The following MAP4 variants were observed in gnomAD, a reference collection of about 807,000 sequenced individuals.
MAP4 encodes the protein microtubule associated protein 4, also known as microtubule-associated protein 4.
Under a neutral mutation model 170.2 loss-of-function variants are expected in MAP4, and 76 were observed. That is an observed-to-expected ratio of 0.45 (90% CI 0.37 to 0.54). MAP4 has a LOEUF of 0.54. MAP4 is among the 20% of genes least tolerant of loss of function. The pLI is 0.00. For synonymous variants in MAP4, 909 were observed against 994.5 expected (o/e 0.91, Z 1.62); for missense variants, 2,506 against 2,748.0 (o/e 0.91, Z 1.97).
chr3:47,903,448 G>A (rs1009632773), intron 9 of MAP4, among the ~76,000 whole-genome samples: 5 of 151,790 alleles, frequency 3.3e-5, no homozygotes, highest in African/African-American at 1.2e-4. Flanking sequence ...CAGGAGAACG[G>A]CGTGAACCTG....
rs1340605502 is a variant in MAP4 at position 47,911,661 on chromosome 3, G to T, written c.2760C>A (p.Gly920=). The change falls in exon 9 of 21, where the codon GGC becomes GGA. Residue 920 remains glycine (G), a synonymous_variant. Coordinates refer to ENST00000683076, the MANE Select transcript of MAP4 (RefSeq NM_001385682.1). The surrounding 1 kb of genome is among the most constrained non-coding windows in gnomAD (Gnocchi z 4.0). ...KTPVDKSQSV[G]PLNLKGPLAE... ...CTAGGGGTCCTTTCAGATTGAGAGG[G>T]CCTACTGACTGGCTTTTATCTACAG... 2 of 1,535,912 alleles carry T rather than the reference G, an allele frequency of 1.3e-6. No individual in the cohort carries two copies. Among genetic ancestry groups the T allele is most frequent in the East Asian group, 2.4e-5 (1 of 40,936 alleles).
chr3:47,945,078 C>T (rs1444634468), intron 3 of MAP4, among the ~76,000 whole-genome samples: 1 of 151,126 alleles, frequency 6.6e-6, no homozygotes, highest in African/African-American at 2.4e-5. Flanking sequence ...GCTGGCCAGG[C>T]GCGGTGGCTC....
chr3:47,867,484 G>A (rs2082552384), intron 16 of MAP4, 146 bp from the exon 17 acceptor site: 3 of 662,244 alleles, frequency 4.5e-6, no homozygotes, highest in East Asian at 2.7e-5. Context: ...CAGAACAGAT[G>A]TGGAAAAGCA....
intron 3 of MAP4, among the ~76,000 whole-genome samples, chr3:47,938,725 A>T (rs1265855180): frequency 6.6e-6 from 1 of 152,198 alleles, no homozygotes; most frequent in African/African-American, 2.4e-5. Flanking sequence ...CAGGCTAACC[A>T]TGTAAATTTG....
intron 1 of MAP4, among the ~76,000 whole-genome samples, chr3:48,010,080 A>G (rs2100104453): frequency 6.6e-6 from 1 of 152,216 alleles, no homozygotes; most frequent in Non-Finnish European, 1.5e-5. Flanking sequence ...ATCTCTTCGT[A>G]TTACCATGCC....
At chr3:48,075,118 A>C (rs1256410026) in intron 1 of MAP4, among the ~76,000 whole-genome samples, 1 of 152,224 alleles carries the variant, frequency 6.6e-6, no homozygotes, top group Non-Finnish European at 1.5e-5. Context: ...ACAAAAGTAC[A>C]TTAATCAAGA....
rs531069009 is a variant in MAP4, at chr3:48,084,297, C to G, written c.-20+4476G>C. ...TACACAGTCTGAACTACTGGGGAGG[C>G]TGAGGCAGGAGGATCACTTGAGGCC... On this transcript the variant is annotated intron_variant, in intron 1 of 18. Transcript: ENST00000360240. Among the ~76,000 whole-genome samples the G allele has an allele frequency of 6.0e-5, 9 of 149,446 alleles. No individual in the cohort carries two copies. In the East Asian group the frequency reaches 1.8e-3, roughly 30 times the overall value.
intron 1 of MAP4, among the ~76,000 whole-genome samples, chr3:48,058,893 G>A (rs1042917459): frequency 2.6e-5 from 4 of 152,068 alleles, no homozygotes; most frequent in African/African-American, 4.8e-5. Context: ...GATTCTCCCT[G>A]CCTCAGCCTC....
Position 48,068,273 on chromosome 3 carries a change from A to AG in MAP4, c.-20+20499_-20+20500insC, listed in dbSNP as rs1186696446. Among the ~76,000 whole-genome samples, 7 of 151,906 alleles carry AG rather than the reference A, an allele frequency of 4.6e-5. No individual in the cohort carries two copies. The South Asian group carries it at 1.2e-3, about 27-fold the overall frequency. On this transcript the variant is annotated intron_variant, in intron 1 of 18. Coordinates refer to the MAP4 transcript ENST00000360240. ...GAGCAAGATTCTGTCTCAAAAAAAAAAAAAAAAAAAGGAATATTTAAGTAA... is the reference window on the plus strand; with the variant it reads ...GAGCAAGATTCTGTCTCAAAAAAAAAGAAAAAAAAAAGGAATATTTAAGTAA...
At chr3:47,961,150 T>C (rs7374516) in intron 3 of MAP4, 58,119 of 152,656 alleles carry the variant, frequency 0.38, 11,958 homozygotes, top group African/African-American at 0.54. Flanking sequence ...TCCAAGCCCC[T>C]GGCTCCCATC....
intron 3 of MAP4, among the ~76,000 whole-genome samples, chr3:47,950,675 A>G (rs906108046): frequency 6.6e-6 from 1 of 152,220 alleles, no homozygotes; most frequent in African/African-American, 2.4e-5. Context: ...TGGCGCTTGA[A>G]AGAATCAGTG....
intron 12 of MAP4, 42 bp from the exon 13 acceptor site, chr3:47,872,142 T>C (rs751910483): frequency 5.2e-6 from 8 of 1,536,364 alleles, no homozygotes; most frequent in South Asian, 1.1e-5. Flanking sequence ...AGGTCAGCAA[T>C]AGCCCCAAGG....
chr3:47,978,877 C>T (rs895638062), intron 2 of MAP4, among the ~76,000 whole-genome samples: 3 of 151,238 alleles, frequency 2.0e-5, no homozygotes, highest in African/African-American at 7.3e-5. Context: ...AATTTTTTGA[C>T]TATTTTAAAA....
chr3:48,020,797 G>T (rs1175651803), upstream of MAP4, among the ~76,000 whole-genome samples: 1 of 151,746 alleles, frequency 6.6e-6, no homozygotes, highest in African/African-American at 2.4e-5. Flanking sequence ...TTGTTGTTTT[G>T]TTTTTTTTAG....
chr3:47,866,250 T>C (rs757501159), intron 17 of MAP4, among the ~76,000 whole-genome samples: 4 of 151,466 alleles, frequency 2.6e-5, no homozygotes, highest in South Asian at 4.2e-4. Context: ...GGCAGGAGAA[T>C]TGACTGACCC....
chr3:47,973,479 G>A (rs1203844668), intron 3 of MAP4: 2 of 985,090 alleles, frequency 2.0e-6, no homozygotes, highest in Non-Finnish European at 2.4e-6. Flanking sequence ...AAACGTCCAA[G>A]TGAAACAGAT....
In MAP4 at chr3:47,983,033, T is replaced by C. The variant is rs555628949; in HGVS notation, c.224-5100A>G. 2.0e-5 allele frequency among the ~76,000 whole-genome samples: 3 copies of C among 151,998 alleles called. No homozygotes were observed. In the East Asian group the frequency reaches 5.8e-4, roughly 29 times the overall value. ...CTGTCTCAACATCCCAAGTAGCTGG[T>C]AGCTGGGACTACAGGCGTGCGCCAC... On this transcript the variant is annotated intron_variant, in intron 2 of 20. Transcript: ENST00000683076.
chr3:48,037,981 A>G (rs1012427892), intron 1 of MAP4, among the ~76,000 whole-genome samples: 1 of 151,692 alleles, frequency 6.6e-6, no homozygotes, highest in Non-Finnish European at 1.5e-5. Flanking sequence ...AGCCTGGCCA[A>G]CATGGCAAAA....
chr3:47,996,337 A>T (rs1440652719), intron 2 of MAP4, among the ~76,000 whole-genome samples: 1 of 152,192 alleles, frequency 6.6e-6, no homozygotes, highest in Non-Finnish European at 1.5e-5. Context: ...TAACGTTGAG[A>T]AAGACCCAAA....
Sources: allele counts gnomAD v4.1 joint callset (sites outside exome capture counted in the v4.1 genomes callset), GRCh38; gene constraint gnomAD v4.1.1; non-coding constraint Gnocchi (gnomAD v3.1); transcripts MANE v1.5; gene names NCBI Gene and HGNC (gene_info 2026-07-23, HGNC 2026-07-21).